Variants in SLC12A9 observed in about 807,000 individuals in gnomAD.
SLC12A9 encodes the protein solute carrier family 12 member 9, also known as CCC-interacting protein 1.
SLC12A9 carries 55 observed loss-of-function variants against 66.0 expected under a neutral mutation model. The observed-to-expected ratio is 0.83, with a 90% CI of 0.67 to 1.04. SLC12A9 has a LOEUF of 1.04. Ranked by LOEUF, SLC12A9 falls within the 50% of genes least tolerant of loss-of-function variation. The pLI, the probability that SLC12A9 is intolerant of heterozygous loss-of-function variation, is 0.00. For missense variants in SLC12A9, 1,061 were observed against 1,241.9 expected (o/e 0.85, Z 2.19); for synonymous variants, 577 against 569.0 (o/e 1.01, Z -0.20).
intron 1 of SLC12A9, among the ~76,000 whole-genome samples, chr7:100,846,187 A>G (rs555400237): frequency 1.3e-5 from 2 of 152,240 alleles, no homozygotes. Flanking sequence ...AGAGAATTTA[A>G]AAGTCTTATA....
Position 100,866,219 on chromosome 7 carries a change from G to T in SLC12A9, c.2359G>T (p.Ala787Ser). The T allele has an allele frequency of 6.2e-7, 1 of 1,608,842 alleles. No individual in the cohort carries two copies. The highest frequency in any genetic ancestry group is 1.3e-5 in the African/African-American group (1 of 74,928). ...APGAAEGRLRALLSQLRIRAE... is the reference protein window; with the variant it reads ...APGAAEGRLRSLLSQLRIRAE... Reference sequence around the variant, plus strand: ...TGGGGCGGCCGAGGGGCGGCTGCGGGCACTGCTGAGCCAACTGAGGATCCG... The same window carrying T: ...TGGGGCGGCCGAGGGGCGGCTGCGGTCACTGCTGAGCCAACTGAGGATCCG... The change falls in exon 14 of 14, where the codon GCA (alanine) becomes TCA (serine). Residue 787 changes from alanine (A) to serine (S), a missense_variant. Ala to Ser is a moderately conservative substitution (Grantham distance 99). Transcript: ENST00000354161. The surrounding 1 kb of genome is among the most constrained non-coding windows in gnomAD (Gnocchi z 7.3).
chr7:100,865,764 C>T lies in SLC12A9; in HGVS notation c.1904C>T (p.Ala635Val). The change falls in exon 14 of 14, where the codon GCT becomes GTT. Residue 635 changes from alanine (A) to valine (V), a missense_variant. Physicochemically the swap from Ala to Val is moderately conservative, Grantham distance 64. Coordinates refer to ENST00000354161, the MANE Select transcript of SLC12A9 (RefSeq NM_020246.4). ...NTLVLGFYDD[A>V]PPQDHFLTDP... ...TTGGTCCTAGGTTTCTACGATGACG[C>T]TCCACCGCAGGACCATTTCCTGACG... The T allele has an allele frequency of 6.2e-7, 1 of 1,613,804 alleles. No homozygotes were observed. The highest frequency in any genetic ancestry group is 1.1e-5 in the South Asian group (1 of 91,042).
chr7:100,866,846 C>G lies in SLC12A9; in HGVS notation c.*241C>G, dbSNP rs573832816. 7.0e-6 allele frequency: 3 copies of G among 430,010 alleles called. No homozygotes were observed. The highest frequency in any genetic ancestry group is 1.2e-5 in the Non-Finnish European group (3 of 244,676). 26.6% of individuals were successfully genotyped at this position (430,010 alleles called of 1,614,324 possible). On this transcript the variant is annotated 3_prime_UTR_variant, in exon 14 of 14. Coordinates refer to ENST00000354161, the MANE Select transcript of SLC12A9 (RefSeq NM_020246.4). The surrounding 1 kb of genome is among the most constrained non-coding windows in gnomAD (Gnocchi z 7.3). Reference sequence around the variant, plus strand: ...GTGCAGGGGAGGGAGTCCGCAGCCTCCCTTCACTGGTGCCTTGATGCTAGG... The same window carrying G: ...GTGCAGGGGAGGGAGTCCGCAGCCTGCCTTCACTGGTGCCTTGATGCTAGG...
intron 1 of SLC12A9, among the ~76,000 whole-genome samples, chr7:100,853,687 A>G (rs1339308234): frequency 6.7e-6 from 1 of 148,612 alleles, no homozygotes; most frequent in Non-Finnish European, 1.5e-5. Flanking sequence ...TCAGCCTCCC[A>G]AGTAGCTGTG....
chr7:100,833,267 T>C (rs978936259), intron 1 of SLC12A9, among the ~76,000 whole-genome samples: 1 of 150,698 alleles, frequency 6.6e-6, no homozygotes, highest in Non-Finnish European at 1.5e-5. Flanking sequence ...GTGGATCACC[T>C]GAGGTTGGGA....
chr7:100,847,697 G>A (rs2116548863), intron 1 of SLC12A9, among the ~76,000 whole-genome samples: 1 of 152,130 alleles, frequency 6.6e-6, no homozygotes, highest in Non-Finnish European at 1.5e-5. Context: ...CCAGGTTTCC[G>A]GCCTGAGAGG....
At position 100,860,497 on chromosome 7, in the gene SLC12A9, C is replaced by T. The variant is rs76088785; in HGVS notation, c.1218+265C>T. ...ACGGGCATTGTGCAGGGTTCACTGA[C>T]ACTTTTTGGGGTATACTAGTATTTT... On this transcript the variant is annotated intron_variant, in intron 9 of 13. Transcript: ENST00000354161. 4.7e-3 allele frequency: 2,374 copies of T among 505,578 alleles called. 15 individuals are homozygous for T. The highest frequency in any genetic ancestry group is 4.7e-3 in the Non-Finnish European group (1,351 of 284,458). The allele number at this position is 505,578 out of a possible 1,614,324, so 31.3% of individuals were successfully genotyped here. A position where few individuals can be genotyped will look rare whatever the true frequency, so the allele number is the denominator to read the frequency against.
chr7:100,833,593 G>T lies in SLC12A9; in HGVS notation n.228+6546G>T, dbSNP rs560704360. Among the ~76,000 whole-genome samples the T allele has an allele frequency of 1.7e-3, 264 of 151,890 alleles. 1 individual carries two copies. Among genetic ancestry groups the T allele is most frequent in the African/African-American group, 5.5e-3 (226 of 41,432 alleles). On this transcript the variant is annotated intron_variant and non_coding_transcript_variant, in intron 1 of 1. Transcript: ENST00000461016. ...AGGCCGAGGTGGGAGGATCACTTGAGCCCAGGAGTTCCAGGCCAGCCTGGG... is the reference window on the plus strand; with the variant it reads ...AGGCCGAGGTGGGAGGATCACTTGATCCCAGGAGTTCCAGGCCAGCCTGGG...
At chr7:100,839,904 G>A (rs914926035) in intron 1 of SLC12A9, among the ~76,000 whole-genome samples, 3 of 151,522 alleles carry the variant, frequency 2.0e-5, no homozygotes, top group South Asian at 2.1e-4. Context: ...TTAGCTGGGC[G>A]TGGTGGTGGG....
At chr7:100,831,569 C>T (rs573134780) in intron 1 of SLC12A9, among the ~76,000 whole-genome samples, 1 of 152,324 alleles carries the variant, frequency 6.6e-6, no homozygotes, top group East Asian at 1.9e-4. Context: ...CCTTGACCTC[C>T]TGGGCTCGAG....
chr7:100,847,513 A>G (rs1334601669), intron 1 of SLC12A9, among the ~76,000 whole-genome samples: 3 of 152,218 alleles, frequency 2.0e-5, no homozygotes, highest in African/African-American at 4.8e-5. Flanking sequence ...AGATTTTGGG[A>G]CAAGTGCAGA....
rs1814356305 is a variant in SLC12A9, at chr7:100,855,816, G to A, written c.427G>A (p.Val143Met). ...AVSLLGLVESVLDVFGADATG... is the reference protein window; with the variant it reads ...AVSLLGLVESMLDVFGADATG... Reference sequence around the variant, plus strand: ...CTCCCTCCTGGGGCTGGTGGAGTCTGTGCTTGATGTCTTCGGGGCCGGTCT... The same window carrying A: ...CTCCCTCCTGGGGCTGGTGGAGTCTATGCTTGATGTCTTCGGGGCCGGTCT... Residue 143 changes from valine (V) to methionine (M), a missense_variant, in exon 4 of 14, where the codon GTG (valine) becomes ATG (methionine). By Grantham distance (21) the Val-to-Met change is conservative. Transcript: ENST00000354161. 1 of 1,612,050 alleles carries A rather than the reference G, an allele frequency of 6.2e-7. No homozygotes were observed. Among genetic ancestry groups the A allele is most frequent in the Non-Finnish European group, 8.5e-7 (1 of 1,178,888 alleles).
At chr7:100,830,506 T>C (rs1813524099) in intron 1 of SLC12A9, among the ~76,000 whole-genome samples, 1 of 151,342 alleles carries the variant, frequency 6.6e-6, no homozygotes, top group African/African-American at 2.4e-5. Context: ...AGACCCTGTC[T>C]ACAAAAAAAG....
chr7:100,863,127 C>T (rs1476360638), intron 13 of SLC12A9, among the ~76,000 whole-genome samples: 15 of 149,824 alleles, frequency 1.0e-4, no homozygotes, highest in African/African-American at 2.7e-4. Flanking sequence ...TACAGTGGCA[C>T]GATCTTGGCT....
chr7:100,859,376 A>G (rs573826468), intron 7 of SLC12A9: 1 of 577,716 alleles, frequency 1.7e-6, no homozygotes, highest in South Asian at 2.0e-5. Flanking sequence ...GTGGCTTTCT[A>G]CCCAGTTTGC....
chr7:100,860,170 A>G lies in SLC12A9; in HGVS notation c.1156A>G (p.Lys386Glu). The G allele has an allele frequency of 6.2e-7, 1 of 1,614,166 alleles. No homozygotes were observed. The change falls in exon 9 of 14, where the codon AAG (lysine) becomes GAG (glutamate). Residue 386 changes from lysine (K) to glutamate (E), a missense_variant. Transcript: ENST00000354161. ...TCTAGGCGTGATCTTGGCACCGGCCAAGGTTGTGTCCCGAGGGGGAAACCC... is the reference window on the plus strand; with the variant it reads ...TCTAGGCGTGATCTTGGCACCGGCCGAGGTTGTGTCCCGAGGGGGAAACCC... ...DLFGVILAPA[K>E]VVSRGGNPWA...
intron 1 of SLC12A9, among the ~76,000 whole-genome samples, chr7:100,834,263 C>A (rs895137393): frequency 1.3e-4 from 20 of 152,006 alleles, no homozygotes. Context: ...GAGTTCACAA[C>A]GCCAGGTCAG....
intron 1 of SLC12A9, among the ~76,000 whole-genome samples, chr7:100,846,456 A>T (rs1448083887): frequency 6.6e-6 from 1 of 151,702 alleles, no homozygotes. Context: ...AGTCCCAGTT[A>T]CTCGGGAGGC....
chr7:100,866,164 C>T lies in SLC12A9; in HGVS notation c.2304C>T (p.Ile768=). The change falls in exon 14 of 14, where the codon ATC becomes ATT. Residue 768 remains isoleucine (I), a synonymous_variant. Coordinates refer to ENST00000354161, the MANE Select transcript of SLC12A9 (RefSeq NM_020246.4). The surrounding 1 kb of genome is among the most constrained non-coding windows in gnomAD (Gnocchi z 7.3). ...VPAWHSARLR[I]FLCLGPREAP... is the part of the protein sequence containing the mutation. ...CTTGGCATAGCGCCCGGCTCCGGAT[C>T]TTCCTGTGCCTGGGGCCTCGGGAGG... The T allele has an allele frequency of 6.2e-7, 1 of 1,612,664 alleles. No homozygotes were observed.
Sources: allele counts gnomAD v4.1 joint callset (sites outside exome capture counted in the v4.1 genomes callset), GRCh38; gene constraint gnomAD v4.1.1; non-coding constraint Gnocchi (gnomAD v3.1); transcripts MANE v1.5; gene names NCBI Gene and HGNC (gene_info 2026-07-23, HGNC 2026-07-21).